The following TTC23L variants were observed in gnomAD, a reference collection of about 807,000 sequenced individuals.
TTC23L encodes tetratricopeptide repeat protein 23-like.
TTC23L carries 42 observed loss-of-function variants against 48.1 expected under a neutral mutation model. That is an observed-to-expected ratio of 0.87 (90% CI 0.68 to 1.13). The LOEUF (loss-of-function observed/expected upper bound fraction) is 1.13, where lower values mean the gene tolerates loss of function less well. TTC23L is among the 50% of genes most tolerant of loss of function. TTC23L has a pLI of 0.00. For missense variants in TTC23L, 391 were observed against 421.0 expected, an observed-to-expected ratio of 0.93 and a Z score of 0.62; for synonymous variants, 159 against 157.2, an observed-to-expected ratio of 1.01 and a Z score of -0.09.
intron 2 of TTC23L, 57 bp downstream of exon 2, chr5:34,840,796 C>T (rs1758595549): frequency 6.5e-7 from 1 of 1,547,192 alleles, no homozygotes; most frequent in Admixed American, 1.7e-5. Context: ...ACACTGGGAC[C>T]TCCTGCTTAA....
At chr5:34,899,268 A>G (rs1763415540) in intron 10 of TTC23L, 122 bp from the exon 11 acceptor site, 1 of 152,660 alleles carries the variant, frequency 6.6e-6, no homozygotes, top group Non-Finnish European at 1.5e-5. Context: ...CCTCAGGCTA[A>G]GTTCAGCCTT....
At chr5:34,918,770 A>T in the TTC23L span, 24 of 192,218 alleles carry the variant, frequency 1.2e-4, no homozygotes, top group African/African-American at 2.2e-4. Flanking sequence ...GATAGGTGGG[A>T]TGGTTTGTCC....
exon 5 of TTC23L, chr5:34,862,987 G>A (rs748696306): frequency 1.9e-6 from 3 of 1,613,960 alleles, no homozygotes; most frequent in Non-Finnish European, 2.5e-6. Flanking sequence ...TAAGGAGAAA[G>A]AGGAAATCCT....
intron 9 of TTC23L, among the ~76,000 whole-genome samples, chr5:34,884,545 AACAC>A (rs147142651): frequency 6.6e-6 from 1 of 150,784 alleles, no homozygotes; most frequent in African/African-American, 2.4e-5. Context: ...CACACACACA[AACAC>A]ACACACACAA....
intron 3 of TTC23L, among the ~76,000 whole-genome samples, chr5:34,848,713 G>C (rs1305939084): frequency 6.6e-6 from 1 of 152,068 alleles, no homozygotes; most frequent in Non-Finnish European, 1.5e-5. Flanking sequence ...CCCTACATTG[G>C]AAGTTAGCTG....
intron 9 of TTC23L, among the ~76,000 whole-genome samples, chr5:34,886,054 C>T (rs1184607993): frequency 6.6e-6 from 1 of 152,100 alleles, no homozygotes; most frequent in East Asian, 1.9e-4. Context: ...GGAATTCTGA[C>T]ACTGCTAATC....
the TTC23L span, chr5:34,919,947 C>G: frequency 3.2e-6 from 2 of 628,620 alleles, no homozygotes; most frequent in Admixed American, 6.4e-5. Context: ...TATTTCAAAA[C>G]TAAGTCATTC....
At chr5:34,843,273 A>T (rs1038600981) in intron 2 of TTC23L, among the ~76,000 whole-genome samples, 3 of 152,232 alleles carry the variant, frequency 2.0e-5, no homozygotes, top group African/African-American at 7.2e-5. Flanking sequence ...TGATGGTAAC[A>T]TATGGAATCA....
At chr5:34,916,174 G>T in the TTC23L span, 1 of 305,380 alleles carries the variant, frequency 3.3e-6, no homozygotes, top group African/African-American at 2.2e-5. Flanking sequence ...TTTCTTACTA[G>T]TTGTTCAGTT....
intron 9 of TTC23L, among the ~76,000 whole-genome samples, chr5:34,885,545 G>A (rs1762489934): frequency 6.6e-6 from 1 of 152,058 alleles, no homozygotes; most frequent in African/African-American, 2.4e-5. Flanking sequence ...AGGAGTTCAT[G>A]ACCAACCTGG....
chr5:34,850,394 T>G, intron 4 of TTC23L, 86 bp downstream of exon 4: 1 of 1,545,210 alleles, frequency 6.5e-7, no homozygotes, highest in Non-Finnish European at 8.9e-7. Context: ...TGGGCATGAC[T>G]AGGAGGGCCC....
At chr5:34,902,310 G>C, downstream of TTC23L, 1 of 221,728 alleles carries the variant, frequency 4.5e-6, no homozygotes, top group East Asian at 1.2e-4. Flanking sequence ...CAGGTGCTTG[G>C]GAGGCTGAGA....
downstream of TTC23L, among the ~76,000 whole-genome samples, chr5:34,901,538 G>A (rs1273063083): frequency 1.3e-5 from 2 of 152,166 alleles, no homozygotes; most frequent in Non-Finnish European, 2.9e-5. Flanking sequence ...CGAGGCAGGC[G>A]GATCATCTGA....
At chr5:34,916,948 C>T in the TTC23L span, among the ~76,000 whole-genome samples, 1 of 152,174 alleles carries the variant, frequency 6.6e-6, no homozygotes, top group South Asian at 2.1e-4. Context: ...TGTTCTCACT[C>T]TTCCCTTGAG....
chr5:34,856,219 C>T (rs144097490), intron 4 of TTC23L, among the ~76,000 whole-genome samples: 279 of 152,272 alleles, frequency 1.8e-3, no homozygotes, highest in African/African-American at 6.7e-3. Context: ...AGTTGAGAAT[C>T]GCTAATCTGA....
the TTC23L span, chr5:34,922,677 T>C: frequency 6.2e-7 from 1 of 1,611,402 alleles, no homozygotes; most frequent in Non-Finnish European, 8.5e-7. Flanking sequence ...ATTTTTGTTT[T>C]TGTTGTAATT....
chr5:34,891,385 G>A (rs866177457), intron 9 of TTC23L, among the ~76,000 whole-genome samples: 2 of 152,152 alleles, frequency 1.3e-5, no homozygotes, highest in South Asian at 4.1e-4. Flanking sequence ...ACCACAGAGA[G>A]TTGTTGTGAG....
chr5:34,896,426 C>G (rs1437472155), intron 9 of TTC23L, among the ~76,000 whole-genome samples: 2 of 152,126 alleles, frequency 1.3e-5, no homozygotes, highest in Non-Finnish European at 2.9e-5. Flanking sequence ...GCACTGTACT[C>G]TGAGTCAAGG....
the TTC23L span, chr5:34,919,012 A>T: frequency 6.6e-6 from 1 of 151,374 alleles, no homozygotes; most frequent in East Asian, 1.9e-4. Flanking sequence ...GCACTTTGGG[A>T]GGCCGAGGTG....
Sources: gnomAD v4.1 joint callset for allele counts (sites outside exome capture counted in the v4.1 genomes callset) on GRCh38, gnomAD v4.1.1 for gene constraint, MANE v1.5 for transcripts, NCBI Gene and HGNC (gene_info 2026-07-23, HGNC 2026-07-21) for gene names.